Variants in SMURF2 observed in about 807,000 individuals in gnomAD.
SMURF2 encodes E3 ubiquitin-protein ligase SMURF2.
In SMURF2, 48 loss-of-function variants were observed where a neutral mutation model predicts 109.6. The ratio of observed to expected loss-of-function variants is 0.44; its 90% CI spans 0.35 to 0.56. SMURF2 has a LOEUF of 0.56. Ranked by LOEUF, SMURF2 falls within the 20% of genes least tolerant of loss-of-function variation. The pLI, the probability that SMURF2 is intolerant of heterozygous loss-of-function variation, is 0.01. For synonymous variants in SMURF2, 288 were observed against 317.1 expected, an observed-to-expected ratio of 0.91 and a Z score of 0.97; for missense variants, 575 against 909.0, an observed-to-expected ratio of 0.63 and a Z score of 4.72.
In SMURF2 at chr17:64,547,441, A is replaced by C. The variant is rs1287471073; in HGVS notation, c.2071+159T>G. ...AAAAGGCTCTTGGGAAGGGAACAAA[A>C]GAAAGGAGGGAGAAGAAGGTATCAC... is the stretch of plus-strand genomic sequence containing the variant. On this transcript the variant is annotated intron_variant, in intron 17 of 18. Coordinates refer to ENST00000262435, the MANE Select transcript of SMURF2 (RefSeq NM_022739.4). This position sits in a 1 kb window ranked among gnomAD's most constrained non-coding sequence, Gnocchi z 4.2. Among the ~76,000 whole-genome samples the C allele has an allele frequency of 6.6e-6, 1 of 152,240 alleles. No individual in the cohort carries two copies. Among genetic ancestry groups the C allele is most frequent in the African/African-American group, 2.4e-5 (1 of 41,460 alleles).
intron 9 of SMURF2, 83 bp downstream of exon 9, chr17:64,578,409 G>A: frequency 2.2e-6 from 2 of 897,522 alleles, no homozygotes; most frequent in East Asian, 2.5e-5. Flanking sequence ...ATTTTTAAAA[G>A]GTAAAAATTT....
chr17:64,623,745 T>C (rs1970233374), intron 1 of SMURF2, among the ~76,000 whole-genome samples: 1 of 152,178 alleles, frequency 6.6e-6, no homozygotes, highest in South Asian at 2.1e-4. Context: ...TAATGCCAAA[T>C]CCTTATCAAC....
At chr17:64,558,448 C>T (rs1223449247) in intron 12 of SMURF2, among the ~76,000 whole-genome samples, 1 of 151,684 alleles carries the variant, frequency 6.6e-6, no homozygotes, top group Non-Finnish European at 1.5e-5. Context: ...CTACTCCTAT[C>T]ACGACCAGTT....
chr17:64,655,171 C>T (rs1356115199), intron 1 of SMURF2, among the ~76,000 whole-genome samples: 5 of 151,348 alleles, frequency 3.3e-5, no homozygotes, highest in Admixed American at 3.3e-4. Flanking sequence ...ATATCATGTT[C>T]CTGGGTGAGA....
At chr17:64,612,376 T>G (rs1172179169) in intron 1 of SMURF2, among the ~76,000 whole-genome samples, 1 of 151,994 alleles carries the variant, frequency 6.6e-6, no homozygotes, top group African/African-American at 2.4e-5. Flanking sequence ...ATTTAAGAAA[T>G]CTTATTTTAG....
intron 10 of SMURF2, among the ~76,000 whole-genome samples, chr17:64,566,456 G>A (rs1375974930): frequency 6.6e-6 from 1 of 150,980 alleles, no homozygotes; most frequent in Admixed American, 6.6e-5. Context: ...ATCAGGTTAG[G>A]GACTTTACCG....
intron 1 of SMURF2, among the ~76,000 whole-genome samples, chr17:64,622,290 T>A (rs1970217184): frequency 1.3e-5 from 2 of 152,042 alleles, no homozygotes; most frequent in African/African-American, 4.8e-5. Flanking sequence ...ACTTATCCTA[T>A]CATGAACATC....
rs538425804 is a variant in SMURF2, at chr17:64,566,970, A to G, written c.1017-4004T>C. ...ACTACACCCTCTACCTCCCAGGTTC[A>G]AGGAATTCTCATGCCTCAGCCTCCC... On this transcript the variant is annotated intron_variant, in intron 10 of 18. Transcript: ENST00000262435. Among the ~76,000 whole-genome samples, 13 of 151,538 alleles carry G rather than the reference A, an allele frequency of 8.6e-5. No individual in the cohort carries two copies. In the East Asian group the frequency reaches 1.5e-3, roughly 18 times the overall value.
chr17:64,659,316 T>A (rs1399019757), intron 1 of SMURF2, among the ~76,000 whole-genome samples: 1 of 152,180 alleles, frequency 6.6e-6, no homozygotes, highest in Non-Finnish European at 1.5e-5. Flanking sequence ...TAATATGGTA[T>A]TAACTTAAAG....
intron 4 of SMURF2, among the ~76,000 whole-genome samples, chr17:64,591,814 T>C (rs782741965): frequency 7.9e-5 from 12 of 152,346 alleles, no homozygotes; most frequent in East Asian, 5.8e-4. Flanking sequence ...TATCTGTGAA[T>C]TGATAAATGG....
intron 1 of SMURF2, among the ~76,000 whole-genome samples, chr17:64,613,996 C>T (rs1970087989): frequency 6.6e-6 from 1 of 151,870 alleles, no homozygotes; most frequent in South Asian, 2.1e-4. Flanking sequence ...AACCTAGATC[C>T]CTCGCATGCG....
rs1410134799 is a variant in SMURF2, at chr17:64,609,681, C to T, written c.53-3041G>A. ...AAACCATAAAAACCCTAGAAGAAAACCTAGGCAATACCATTCAGGACACAG... is the reference window on the plus strand; with the variant it reads ...AAACCATAAAAACCCTAGAAGAAAATCTAGGCAATACCATTCAGGACACAG... On this transcript the variant is annotated intron_variant, in intron 1 of 18. Transcript: ENST00000262435. Among the ~76,000 whole-genome samples the T allele has an allele frequency of 2.3e-5, 3 of 128,298 alleles. No homozygotes were observed. The East Asian group carries it at 5.8e-4, about 25-fold the overall frequency. 84.2% of individuals were successfully genotyped at this position (128,298 alleles called of 152,430 possible).
chr17:64,610,058 T>C (rs1970023137), intron 1 of SMURF2, among the ~76,000 whole-genome samples: 1 of 152,136 alleles, frequency 6.6e-6, no homozygotes, highest in South Asian at 2.1e-4. Flanking sequence ...CACAATGAGA[T>C]ACCATCTCAC....
intron 1 of SMURF2, among the ~76,000 whole-genome samples, chr17:64,624,419 C>T (rs957035775): frequency 3.0e-4 from 45 of 150,318 alleles, no homozygotes; most frequent in African/African-American, 1.0e-3. Flanking sequence ...CTGCAGCCTC[C>T]GCCTCCCAGG....
intron 1 of SMURF2, among the ~76,000 whole-genome samples, chr17:64,607,477 T>C (rs1299596088): frequency 6.6e-6 from 1 of 151,490 alleles, no homozygotes; most frequent in East Asian, 1.9e-4. Context: ...AATACAAAAA[T>C]TAGCTGGGCG....
chr17:64,544,106 T>A lies in SMURF2; in HGVS notation c.*1742A>T, dbSNP rs1968912427. On this transcript the variant is annotated 3_prime_UTR_variant, in exon 19 of 19. Transcript: ENST00000262435. ...AGCAGCAAAATCTCCACTTTTTTTA[T>A]CCCATCCATTCCTCCCCGCCCCACT... is the stretch of plus-strand genomic sequence containing the variant. 2 of 152,176 alleles carry A rather than the reference T, an allele frequency of 1.3e-5. No individual in the cohort carries two copies. The highest frequency in any genetic ancestry group is 2.9e-5 in the Non-Finnish European group (2 of 68,032). The allele number at this position is 152,176 out of a possible 1,614,324, so 9.4% of individuals were successfully genotyped here. A position where few individuals can be genotyped will look rare whatever the true frequency, so the allele number is the denominator to read the frequency against.
At chr17:64,551,437 G>C (rs1292232146) in intron 16 of SMURF2, 147 bp downstream of exon 16, 7 of 829,886 alleles carry the variant, frequency 8.4e-6, no homozygotes, top group Non-Finnish European at 1.3e-5. Flanking sequence ...AAGCATGAAA[G>C]ACTTTTCCTG....
intron 1 of SMURF2, among the ~76,000 whole-genome samples, chr17:64,637,149 C>G (rs1365097097): frequency 6.8e-6 from 1 of 147,354 alleles, no homozygotes; most frequent in Non-Finnish European, 1.5e-5. Context: ...TTTTTTGAGA[C>G]ACAGTCTTGC....
chr17:64,558,668 G>C (rs1244999618), intron 12 of SMURF2, among the ~76,000 whole-genome samples: 1 of 152,124 alleles, frequency 6.6e-6, no homozygotes, highest in Non-Finnish European at 1.5e-5. Flanking sequence ...CTTTGGGTAT[G>C]TTCCATACCA....
Sources: allele counts gnomAD v4.1 joint callset (sites outside exome capture counted in the v4.1 genomes callset), GRCh38; gene constraint gnomAD v4.1.1; non-coding constraint Gnocchi (gnomAD v3.1); transcripts MANE v1.5; gene names NCBI Gene and HGNC (gene_info 2026-07-23, HGNC 2026-07-21).